The following PEX5L variants were observed in gnomAD, a reference collection of about 807,000 sequenced individuals.
PEX5L encodes peroxisomal biogenesis factor 5 like.
PEX5L carries 30 observed loss-of-function variants against 84.0 expected under a neutral mutation model. That is an observed-to-expected ratio of 0.36 (90% confidence interval 0.27 to 0.48). The LOEUF (loss-of-function observed/expected upper bound fraction) is 0.48. PEX5L is among the 20% of genes least tolerant of loss of function. The pLI is 0.99. For synonymous variants in PEX5L, 270 were observed against 283.1 expected (o/e 0.95, Z 0.46); for missense variants, 533 against 754.6 (o/e 0.71, Z 3.44).
At chr3:179,958,224 G>A (rs1034630246) in intron 2 of PEX5L, among the ~76,000 whole-genome samples, 1 of 152,122 alleles carries the variant, frequency 6.6e-6, no homozygotes, top group Non-Finnish European at 1.5e-5. Context: ...TTTCCTAACA[G>A]TCAAAATTGC....
intron 2 of PEX5L, among the ~76,000 whole-genome samples, chr3:179,936,299 C>A (rs1446892294): frequency 6.6e-6 from 1 of 152,036 alleles, no homozygotes; most frequent in Non-Finnish European, 1.5e-5. Context: ...TTTCAAGGTG[C>A]AATATACTAA....
At chr3:179,977,463 C>A (rs1785914994) in intron 1 of PEX5L, among the ~76,000 whole-genome samples, 1 of 152,096 alleles carries the variant, frequency 6.6e-6, no homozygotes. Context: ...CAAAGCTTCT[C>A]AGTTCTTTGA....
chr3:179,850,316 G>A (rs1741334481), intron 8 of PEX5L, among the ~76,000 whole-genome samples: 1 of 151,680 alleles, frequency 6.6e-6, no homozygotes, highest in African/African-American at 2.4e-5. Context: ...TAGTAGAGAC[G>A]GGGTTTCACC....
At position 179,811,266 on chromosome 3, in the gene PEX5L, T is replaced by C. The variant is rs1287335989; in HGVS notation, c.1154+535A>G. On this transcript the variant is annotated intron_variant, in intron 11 of 14. Transcript: ENST00000467460. ...GTGTGTGCATATGTATACGCACACA[T>C]ATATATTCTCTTCCTATAGCACTAT... Among the ~76,000 whole-genome samples, 4 of 152,030 alleles carry C rather than the reference T, an allele frequency of 2.6e-5. No individual in the cohort carries two copies. In the South Asian group the frequency reaches 6.2e-4, roughly 24 times the overall value.
intron 8 of PEX5L, among the ~76,000 whole-genome samples, chr3:179,838,030 C>T (rs992735962): frequency 6.6e-6 from 1 of 152,158 alleles, no homozygotes; most frequent in Non-Finnish European, 1.5e-5. Flanking sequence ...CCATCAAATA[C>T]CTACCTTGGC....
chr3:179,887,814 G>A, intron 3 of PEX5L, 30 bp from the exon 4 acceptor site: 1 of 1,463,288 alleles, frequency 6.8e-7, no homozygotes, highest in Non-Finnish European at 9.6e-7. Context: ...GGTGTCAAAG[G>A]GCTTTGTTAA....
At chr3:179,942,420 C>G (rs1038865486) in intron 2 of PEX5L, among the ~76,000 whole-genome samples, 12 of 152,218 alleles carry the variant, frequency 7.9e-5, no homozygotes, top group African/African-American at 2.9e-4. Context: ...ACTGCGGGAC[C>G]GCGGAGGCGG....
chr3:179,904,528 T>G (rs1161186481), intron 2 of PEX5L, among the ~76,000 whole-genome samples: 1 of 152,152 alleles, frequency 6.6e-6, no homozygotes, highest in African/African-American at 2.4e-5. Context: ...TCTGAATGAT[T>G]GGAGCAGGGT....
intron 3 of PEX5L, among the ~76,000 whole-genome samples, chr3:179,892,772 G>A (rs978641853): frequency 6.6e-6 from 1 of 151,984 alleles, no homozygotes; most frequent in Non-Finnish European, 1.5e-5. Context: ...GAATGTTAAG[G>A]CTTCTACCAA....
intron 3 of PEX5L, 122 bp downstream of exon 3, chr3:179,898,020 T>C (rs547899139): frequency 8.4e-4 from 452 of 540,126 alleles, no homozygotes; most frequent in Non-Finnish European, 3.7e-4. Flanking sequence ...AATTGTTTCA[T>C]TGAAACTGTC....
intron 2 of PEX5L, among the ~76,000 whole-genome samples, chr3:179,911,127 A>G (rs1375900431): frequency 6.6e-6 from 1 of 152,208 alleles, no homozygotes; most frequent in Non-Finnish European, 1.5e-5. Flanking sequence ...CTCAAGTCCC[A>G]CAATCTATAT....
intron 9 of PEX5L, among the ~76,000 whole-genome samples, chr3:179,817,106 T>C (rs1298330883): frequency 2.0e-5 from 3 of 152,212 alleles, no homozygotes; most frequent in Non-Finnish European, 4.4e-5. Context: ...CTACAAACCA[T>C]TGTCATAGCT....
intron 1 of PEX5L, chr3:179,974,236 G>A (rs1785466971): frequency 2.0e-6 from 2 of 976,834 alleles, no homozygotes; most frequent in Non-Finnish European, 2.4e-6. Flanking sequence ...GAAAAAGAAA[G>A]CTAATCTCTC....
chr3:180,017,495 C>T (rs1790045149), intron 1 of PEX5L, among the ~76,000 whole-genome samples: 1 of 152,058 alleles, frequency 6.6e-6, no homozygotes, highest in African/African-American at 2.4e-5. Context: ...TGATTGGGGA[C>T]TATCTTTCAA....
At chr3:179,925,364 A>AC (rs397726836) in intron 2 of PEX5L, among the ~76,000 whole-genome samples, 681 of 47,258 alleles carry the variant, frequency 0.014, 4 homozygotes, top group African/African-American at 0.055. Flanking sequence ...AGTTTTTTTT[A>AC]TGTGTCCTTC....
Position 179,887,797 on chromosome 3 carries a change from G to C in PEX5L, c.199-13C>G, listed in dbSNP as rs771138949. ...GCTCATTCACCAGCTGAGAACAAATGAACAGAGGTGTCAAAGGGCTTTGTT... is the reference window on the plus strand; with the variant it reads ...GCTCATTCACCAGCTGAGAACAAATCAACAGAGGTGTCAAAGGGCTTTGTT... On this transcript the variant is annotated splice_polypyrimidine_tract_variant and intron_variant, in intron 3 of 14. Coordinates refer to ENST00000467460, the MANE Select transcript of PEX5L (RefSeq NM_016559.3). 14 of 1,560,362 alleles carry C rather than the reference G, an allele frequency of 9.0e-6. No homozygotes were observed. In the East Asian group the frequency reaches 3.1e-4, roughly 35 times the overall value.
In PEX5L at chr3:180,010,179, G is replaced by A. The variant is rs139777338; in HGVS notation, c.21+26400C>T. Among the ~76,000 whole-genome samples the A allele has an allele frequency of 1.3e-3, 199 of 151,242 alleles. 1 individual carries two copies. Among genetic ancestry groups the A allele is most frequent in the Non-Finnish European group, 2.2e-3 (149 of 67,848 alleles). On this transcript the variant is annotated intron_variant, in intron 1 of 14. Transcript: ENST00000467460. ...CCAGGATGGTCTCAATCTCCTGACC[G>A]TGTGATCTGTCTGCCACGGCCTCCC...
intron 4 of PEX5L, among the ~76,000 whole-genome samples, chr3:179,883,066 T>TA (rs1186365571): frequency 5.3e-5 from 8 of 151,788 alleles, no homozygotes; most frequent in Non-Finnish European, 1.5e-5. Flanking sequence ...ACCCTGTCTC[T>TA]AAAAAAAAGG....
intron 2 of PEX5L, among the ~76,000 whole-genome samples, chr3:179,963,879 G>T (rs1579049152): frequency 6.6e-6 from 1 of 152,008 alleles, no homozygotes; most frequent in South Asian, 2.1e-4. Flanking sequence ...AAAGGCATTT[G>T]CATCCATGAC....
Sources: gnomAD v4.1 joint callset for allele counts (sites outside exome capture counted in the v4.1 genomes callset) on GRCh38, gnomAD v4.1.1 for gene constraint, MANE v1.5 for transcripts, NCBI Gene and HGNC (gene_info 2026-07-23, HGNC 2026-07-21) for gene names.